The following TRAPPC8 variants were observed in gnomAD, a reference collection of about 807,000 sequenced individuals.
The protein encoded by TRAPPC8 is general sporulation gene 1 homolog.
TRAPPC8 carries 54 observed loss-of-function variants against 174.3 expected under a neutral mutation model. The ratio of observed to expected loss-of-function variants is 0.31; its 90% confidence interval spans 0.25 to 0.39. The LOEUF (loss-of-function observed/expected upper bound fraction) is 0.39, where lower values mean the gene tolerates loss of function less well. Ranked by LOEUF, TRAPPC8 falls within the 10% of genes least tolerant of loss-of-function variation. TRAPPC8 has a pLI of 1.00. For missense variants in TRAPPC8, 1,531 were observed against 1,699.1 expected, an observed-to-expected ratio of 0.90 and a Z score of 1.74; for synonymous variants, 630 against 579.9, an observed-to-expected ratio of 1.09 and a Z score of -1.24.
intron 1 of TRAPPC8, among the ~76,000 whole-genome samples, chr18:31,940,790 C>A (rs1447539550): frequency 6.6e-6 from 1 of 152,104 alleles, no homozygotes; most frequent in Non-Finnish European, 1.5e-5. Flanking sequence ...AGCCACCGCG[C>A]CCGGCCGAAA....
Position 31,942,605 on chromosome 18 carries a change from T to G in TRAPPC8, c.157+3A>C. 1 of 1,593,834 alleles carries G rather than the reference T, an allele frequency of 6.3e-7. No individual in the cohort carries two copies. The highest frequency in any genetic ancestry group is 8.5e-7 in the Non-Finnish European group (1 of 1,170,016). On this transcript the variant is annotated splice_donor_region_variant and intron_variant, in intron 1 of 28. Coordinates refer to ENST00000283351, the MANE Select transcript of TRAPPC8 (RefSeq NM_014939.5). ...CCACTGGAAAAGGGAGGATACCACA[T>G]ACCCTCGGAAGTGAGGCGGGAGAAG...
rs12327141 is a variant in TRAPPC8, at chr18:31,830,516, T to A, written c.*239A>T. 124,973 of 486,354 alleles carry A rather than the reference T, an allele frequency of 0.26. 17,582 individuals are homozygous for A. Among genetic ancestry groups the A allele is most frequent in the Middle Eastern group, 0.35 (648 of 1,850 alleles). 30.1% of individuals were successfully genotyped at this position (486,354 alleles called of 1,614,324 possible). On this transcript the variant is annotated 3_prime_UTR_variant, in exon 29 of 29. Transcript: ENST00000283351. ...GGCTTAATAAGGTGCACAAATATGC[T>A]GATATCCTGTATTATGAGCATGTAA...
chr18:31,878,634 T>C (rs924983307), intron 12 of TRAPPC8, among the ~76,000 whole-genome samples: 3 of 151,982 alleles, frequency 2.0e-5, no homozygotes, highest in Non-Finnish European at 2.9e-5. Flanking sequence ...TTATGACAAA[T>C]ACAAAACCTC....
At chr18:31,884,635 A>G (rs2035615437) in intron 12 of TRAPPC8, among the ~76,000 whole-genome samples, 1 of 152,142 alleles carries the variant, frequency 6.6e-6, no homozygotes, top group Non-Finnish European at 1.5e-5. Context: ...CTTTTGTTTC[A>G]AAATATACTA....
intron 1 of TRAPPC8, among the ~76,000 whole-genome samples, chr18:31,941,416 C>G (rs1233102997): frequency 6.6e-6 from 1 of 152,104 alleles, no homozygotes; most frequent in African/African-American, 2.4e-5. Context: ...GCACTCCAGT[C>G]TGGGCAACAA....
At chr18:31,839,721 TTATC>T (rs1288502958) in intron 26 of TRAPPC8, among the ~76,000 whole-genome samples, 1 of 152,210 alleles carries the variant, frequency 6.6e-6, no homozygotes, top group African/African-American at 2.4e-5. Context: ...ATTAGCTCTG[TTATC>T]TTGGATAAGT....
chr18:31,936,016 C>T (rs1347462736), intron 1 of TRAPPC8, among the ~76,000 whole-genome samples: 9 of 151,850 alleles, frequency 5.9e-5, no homozygotes, highest in African/African-American at 1.5e-4. Context: ...GGATTACAGG[C>T]GTGAGCCACC....
chr18:31,931,431 C>T lies in TRAPPC8; in HGVS notation c.250G>A (p.Ala84Thr). The T allele has an allele frequency of 6.2e-7, 1 of 1,613,626 alleles. No individual in the cohort carries two copies. The highest frequency in any genetic ancestry group is 1.1e-5 in the South Asian group (1 of 90,952). The change falls in exon 2 of 29, where the codon GCC becomes ACC. Residue 84 changes from alanine to threonine, a missense_variant. Transcript: ENST00000283351. ...ACATCATTCAAAAGCTTCCGGATGGCTCCAGGCTGAGGTGGCTGGGTGACA... is the reference window on the plus strand; with the variant it reads ...ACATCATTCAAAAGCTTCCGGATGGTTCCAGGCTGAGGTGGCTGGGTGACA... The part of the protein sequence containing the change: ...NIVTQPPQPG[A>T]IRKLLNDVVS...
intron 4 of TRAPPC8, among the ~76,000 whole-genome samples, chr18:31,916,003 GC>G (rs1326161974): frequency 6.7e-6 from 1 of 149,086 alleles, no homozygotes; most frequent in Non-Finnish European, 1.5e-5. Context: ...GTTGCAGTGA[GC>G]CAAGATCGTG....
At chr18:31,853,263 A>AGTTTT (rs751819287) in intron 22 of TRAPPC8, among the ~76,000 whole-genome samples, 1 of 151,940 alleles carries the variant, frequency 6.6e-6, no homozygotes, top group Non-Finnish European at 1.5e-5. Flanking sequence ...GTACCAGTTA[A>AGTTTT]GTTTTGTTTT....
chr18:31,830,657 A>T lies in TRAPPC8; in HGVS notation c.*98T>A. On this transcript the variant is annotated 3_prime_UTR_variant, in exon 29 of 29. Coordinates refer to ENST00000283351, the MANE Select transcript of TRAPPC8 (RefSeq NM_014939.5). ...AAGTATTTTGCAGGGATCAGATATC[A>T]ATCAACCTCCATAACAAGTTAGGTA... is the stretch of plus-strand genomic sequence containing the variant. 1 of 1,021,134 alleles carries T rather than the reference A, an allele frequency of 9.8e-7. No individual in the cohort carries two copies. Among genetic ancestry groups the T allele is most frequent in the Non-Finnish European group, 1.4e-6 (1 of 702,632 alleles). 63.3% of individuals were successfully genotyped at this position (1,021,134 alleles called of 1,614,324 possible). A position where few individuals can be genotyped will look rare whatever the true frequency, so the allele number is the denominator to read the frequency against.
At chr18:31,920,856 G>A (rs1003388159) in intron 2 of TRAPPC8, among the ~76,000 whole-genome samples, 21 of 149,214 alleles carry the variant, frequency 1.4e-4, no homozygotes, top group South Asian at 1.1e-3. Context: ...CAGGACAATC[G>A]CTTGAACCAA....
At chr18:31,916,131 G>T in intron 4 of TRAPPC8, 141 bp downstream of exon 4, 5 of 519,886 alleles carry the variant, frequency 9.6e-6, no homozygotes, top group Non-Finnish European at 1.5e-5. Context: ...AAAACATAAA[G>T]TTAAATGCTT....
At chr18:31,899,722 G>A (rs36062390) in intron 10 of TRAPPC8, among the ~76,000 whole-genome samples, 39,222 of 152,056 alleles carry the variant, frequency 0.26, 5,349 homozygotes, top group Middle Eastern at 0.38. Context: ...CAAGGTGGGC[G>A]GATCATGAGG....
intron 5 of TRAPPC8, among the ~76,000 whole-genome samples, chr18:31,912,265 C>G (rs1190980322): frequency 6.6e-6 from 1 of 152,092 alleles, no homozygotes; most frequent in African/African-American, 2.4e-5. Flanking sequence ...CTGAGGCGGA[C>G]AGATCACCTG....
intron 27 of TRAPPC8, 49 bp downstream of exon 27, chr18:31,839,263 C>A (rs373040095): frequency 1.9e-6 from 3 of 1,540,982 alleles, no homozygotes; most frequent in Non-Finnish European, 8.8e-7. Context: ...AACAAATACA[C>A]GTGCCAGTGT....
intron 12 of TRAPPC8, among the ~76,000 whole-genome samples, chr18:31,888,797 A>T (rs2035834139): frequency 6.6e-6 from 1 of 152,224 alleles, no homozygotes; most frequent in Admixed American, 6.5e-5. Flanking sequence ...CAGGAAAAAG[A>T]GTTAATGAAT....
intron 4 of TRAPPC8, 77 bp downstream of exon 4, chr18:31,916,195 A>C: frequency 1.8e-6 from 2 of 1,108,518 alleles, no homozygotes; most frequent in Non-Finnish European, 2.4e-6. Flanking sequence ...AATAAATCCA[A>C]AACGTAAACA....
chr18:31,900,692 A>C lies in TRAPPC8; in HGVS notation c.1490+233T>G, dbSNP rs552554852. On this transcript the variant is annotated intron_variant, in intron 10 of 28. Coordinates refer to ENST00000283351, the MANE Select transcript of TRAPPC8 (RefSeq NM_014939.5). ...AAGCTAGAAATGTCCCCACAATACA[A>C]ATTACCTTCAATGTAACATATAATC... 2.0e-5 allele frequency among the ~76,000 whole-genome samples: 3 copies of C among 152,316 alleles called. No individual in the cohort carries two copies. The East Asian group carries it at 5.8e-4, about 29-fold the overall frequency.
Sources: allele counts gnomAD v4.1 joint callset (sites outside exome capture counted in the v4.1 genomes callset), GRCh38; gene constraint gnomAD v4.1.1; transcripts MANE v1.5; gene names NCBI Gene and HGNC (gene_info 2026-07-23, HGNC 2026-07-21).